The following AP3B1 variants were observed in gnomAD, a reference collection of about 807,000 sequenced individuals.
The protein encoded by AP3B1 is adaptor related protein complex 3 subunit beta 1.
AP3B1 carries 61 observed loss-of-function variants against 132.5 expected under a neutral mutation model. That is an observed-to-expected ratio of 0.46 (90% CI 0.37 to 0.57). The LOEUF is 0.57. Among genes scored for constraint, AP3B1 ranks in the 20% least tolerant of loss-of-function variants. The pLI is 0.00. For missense variants in AP3B1, 1,120 were observed against 1,289.4 expected (o/e 0.87, Z 2.01); for synonymous variants, 388 against 438.3 (o/e 0.89, Z 1.43).
At chr5:78,241,924 C>A (rs1430495667) in intron 2 of AP3B1, among the ~76,000 whole-genome samples, 1 of 152,186 alleles carries the variant, frequency 6.6e-6, no homozygotes, top group Non-Finnish European at 1.5e-5. Context: ...TCTCTTCTCA[C>A]AGAAGAGTAA....
chr5:78,115,946 T>G (rs1465019096), intron 18 of AP3B1, 180 bp downstream of exon 18: 7 of 651,466 alleles, frequency 1.1e-5, no homozygotes, highest in African/African-American at 3.6e-5. Context: ...AAAAAGAGAA[T>G]TTAGTAATTA....
rs551501438 is a variant in AP3B1, at chr5:78,165,252, T to C, written c.1230+358A>G. 2.0e-5 allele frequency among the ~76,000 whole-genome samples: 3 copies of C among 152,194 alleles called. No homozygotes were observed. The South Asian group carries it at 6.2e-4, about 32-fold the overall frequency. On this transcript the variant is annotated intron_variant, in intron 12 of 26. Coordinates refer to ENST00000255194, the MANE Select transcript of AP3B1 (RefSeq NM_003664.5). The stretch of plus-strand genomic sequence containing the variant: ...CAAAAATAGTCATAGGTCAATAAAA[T>C]GGGAACAACCAGGTAAGAAATGAAA...
chr5:78,062,133 G>T (rs573151709), intron 22 of AP3B1, among the ~76,000 whole-genome samples: 2 of 152,314 alleles, frequency 1.3e-5, no homozygotes, highest in Admixed American at 1.3e-4. Context: ...TTGAAGCTTT[G>T]TATTTTCCTC....
At chr5:78,211,891 C>A (rs1337404097) in intron 7 of AP3B1, among the ~76,000 whole-genome samples, 1 of 152,172 alleles carries the variant, frequency 6.6e-6, no homozygotes, top group Admixed American at 6.5e-5. Flanking sequence ...TTAATATTGT[C>A]TTAAGTGACT....
At chr5:78,008,624 T>C (rs1242006056) in intron 26 of AP3B1, among the ~76,000 whole-genome samples, 2 of 152,166 alleles carry the variant, frequency 1.3e-5, no homozygotes, top group Non-Finnish European at 2.9e-5. Flanking sequence ...AAATCTTCAG[T>C]CCTGTTTGAG....
chr5:78,200,565 A>G (rs2112450491), intron 7 of AP3B1, among the ~76,000 whole-genome samples: 1 of 152,256 alleles, frequency 6.6e-6, no homozygotes, highest in Non-Finnish European at 1.5e-5. Flanking sequence ...AGACTGAGAT[A>G]GGAGGATCAC....
rs1746238704 is a variant in AP3B1, at chr5:78,002,802, C to A, written c.*100G>T. 13 of 1,352,552 alleles carry A rather than the reference C, an allele frequency of 9.6e-6. No individual in the cohort carries two copies. The highest frequency in any genetic ancestry group is 4.7e-5 in the South Asian group (4 of 85,846). 83.8% of individuals were successfully genotyped at this position (1,352,552 alleles called of 1,614,324 possible). A position where few individuals can be genotyped will look rare whatever the true frequency, so the allele number is the denominator to read the frequency against. ...ATGTCAAGAGTGTATTCTACCCCCACTGCCAGATGGAAGGGCTATTATTAT... is the reference window on the plus strand; with the variant it reads ...ATGTCAAGAGTGTATTCTACCCCCAATGCCAGATGGAAGGGCTATTATTAT... On this transcript the variant is annotated 3_prime_UTR_variant, in exon 27 of 27. Transcript: ENST00000255194.
intron 14 of AP3B1, among the ~76,000 whole-genome samples, chr5:78,152,741 T>C (rs1399008933): frequency 2.6e-5 from 4 of 152,192 alleles, no homozygotes; most frequent in Non-Finnish European, 4.4e-5. Flanking sequence ...GTATGTTGTG[T>C]TTCCATCATC....
chr5:78,008,742 T>C (rs1746497199), intron 26 of AP3B1, among the ~76,000 whole-genome samples: 1 of 152,168 alleles, frequency 6.6e-6, no homozygotes, highest in Non-Finnish European at 1.5e-5. Flanking sequence ...AGGTTGACAG[T>C]AGTATCAGGG....
At chr5:78,198,281 T>C (rs1325258009) in intron 7 of AP3B1, among the ~76,000 whole-genome samples, 1 of 152,196 alleles carries the variant, frequency 6.6e-6, no homozygotes, top group Non-Finnish European at 1.5e-5. Flanking sequence ...CTTTAACACA[T>C]CATGACATTC....
intron 21 of AP3B1, among the ~76,000 whole-genome samples, chr5:78,093,959 G>A (rs1750653907): frequency 6.6e-6 from 1 of 152,188 alleles, no homozygotes; most frequent in Non-Finnish European, 1.5e-5. Flanking sequence ...TCCTCTTAGT[G>A]ACTCCACTCT....
In AP3B1 at chr5:78,172,391, CTAT is replaced by C. The variant is rs372901340; in HGVS notation, c.1167+3232_1167+3234del. ...GTCCTGGACTTTATTGGTTGGTAGG[CTAT>C]TATTATCTCAATTTCAGAGCCTGTT... is the stretch of plus-strand genomic sequence containing the variant. On this transcript the variant is annotated intron_variant, in intron 11 of 26. Transcript: ENST00000255194. Among the ~76,000 whole-genome samples the C allele has an allele frequency of 3.3e-3, 501 of 151,880 alleles. 3 individuals carry two copies. Among genetic ancestry groups the C allele is most frequent in the African/African-American group, 0.012 (487 of 41,484 alleles).
Position 78,089,393 on chromosome 5 carries a change from A to G in AP3B1, c.2577T>C (p.Ser859=), listed in dbSNP as rs755754414. 3.1e-6 allele frequency: 5 copies of G among 1,600,056 alleles called. No individual in the cohort carries two copies. The Admixed American group carries it at 8.3e-5, about 27-fold the overall frequency. Residue 859 remains serine, a splice_region_variant and synonymous_variant, in exon 22 of 27, where the codon AGT becomes AGC. Coordinates refer to ENST00000255194, the MANE Select transcript of AP3B1 (RefSeq NM_003664.5). The stretch of plus-strand genomic sequence containing the variant: ...CTGGTGGATTTTAAAAATAACTTAC[A>G]CTGATGACTGAAGAGGAAGTTGACA... ...LHLSTSSSVI[S]VSTPAFVPTK... is the part of the protein sequence containing the mutation.
chr5:78,093,354 C>T (rs1750615948), intron 21 of AP3B1, among the ~76,000 whole-genome samples: 1 of 152,140 alleles, frequency 6.6e-6, no homozygotes, highest in Non-Finnish European at 1.5e-5. Context: ...ACCACACCAA[C>T]TAAGAACATG....
At chr5:78,008,546 A>T (rs948802024) in intron 26 of AP3B1, among the ~76,000 whole-genome samples, 30 of 152,332 alleles carry the variant, frequency 2.0e-4, no homozygotes, top group African/African-American at 7.2e-4. Context: ...ATAAAAATGC[A>T]GTGCTGTCCT....
Position 78,052,071 on chromosome 5 carries a change from G to A in AP3B1, c.2578-12797C>T, listed in dbSNP as rs1012380622. Among the ~76,000 whole-genome samples the A allele has an allele frequency of 1.7e-4, 26 of 151,986 alleles. 1 individual carries two copies. Among genetic ancestry groups the A allele is most frequent in the African/African-American group, 6.0e-4 (25 of 41,364 alleles). Reference sequence around the variant, plus strand: ...AACTCTTACATATAAGCACAGACTCGAAGAAATATATTTGAATCTTCCAGC... The same window carrying A: ...AACTCTTACATATAAGCACAGACTCAAAGAAATATATTTGAATCTTCCAGC... On this transcript the variant is annotated intron_variant, in intron 22 of 26. Coordinates refer to ENST00000255194, the MANE Select transcript of AP3B1 (RefSeq NM_003664.5).
intron 15 of AP3B1, 45 bp downstream of exon 15, chr5:78,141,098 G>T (rs749690492): frequency 4.5e-6 from 7 of 1,569,204 alleles, no homozygotes; most frequent in Middle Eastern, 3.4e-4. Flanking sequence ...TCAGAGTGAA[G>T]AGGAAAGTAC....
intron 26 of AP3B1, among the ~76,000 whole-genome samples, chr5:78,004,859 A>G (rs964492343): frequency 3.9e-5 from 6 of 152,240 alleles, no homozygotes; most frequent in Non-Finnish European, 5.9e-5. Flanking sequence ...AGAGGTTTTT[A>G]TAAACCTCTT....
intron 3 of AP3B1, among the ~76,000 whole-genome samples, chr5:78,234,854 G>A (rs912796987): frequency 2.0e-5 from 3 of 152,184 alleles, no homozygotes; most frequent in African/African-American, 7.2e-5. Flanking sequence ...ACACCAGTGG[G>A]TATAATTCAT....
Sources: gnomAD v4.1 joint callset for allele counts (sites outside exome capture counted in the v4.1 genomes callset) on GRCh38, gnomAD v4.1.1 for gene constraint, MANE v1.5 for transcripts, NCBI Gene and HGNC (gene_info 2026-07-23, HGNC 2026-07-21) for gene names.